GLT8D2: variants seen among roughly 807,000 people sequenced by gnomAD.
The protein encoded by GLT8D2 is glycosyltransferase 8 domain containing 2.
In GLT8D2, 45 loss-of-function variants were observed where a neutral mutation model predicts 44.5. The observed-to-expected ratio is 1.01, with a 90% CI of 0.80 to 1.30. The LOEUF is 1.30. Ranked by LOEUF, GLT8D2 falls within the 50% of genes most tolerant of loss-of-function variation. GLT8D2 has a pLI of 0.00. For synonymous variants in GLT8D2, 156 were observed against 157.2 expected (o/e 0.99, Z 0.06); for missense variants, 400 against 430.4 (o/e 0.93, Z 0.62).
rs934966062 is a variant in GLT8D2 at position 104,030,759 on chromosome 12, C to T, written c.-163-9268G>A. The T allele has an allele frequency of 3.1e-6, 5 of 1,612,094 alleles. No individual in the cohort carries two copies. In the Admixed American group the frequency reaches 5.0e-5, roughly 16 times the overall value. On this transcript the variant is annotated intron_variant, in intron 1 of 10. Coordinates refer to ENST00000360814, the MANE Select transcript of GLT8D2 (RefSeq NM_001384711.1). ...GGAATCTGCTAATCCCAGTCGGTGC[C>T]GCATCCCCAGCCCGCCGCCATGGCC...
At chr12:104,033,923 T>A (rs1238831096) in intron 1 of GLT8D2, among the ~76,000 whole-genome samples, 1 of 151,980 alleles carries the variant, frequency 6.6e-6, no homozygotes, top group East Asian at 1.9e-4. Flanking sequence ...GTTCTATCAA[T>A]CCTCCCACCT....
intron 1 of GLT8D2, among the ~76,000 whole-genome samples, chr12:104,063,515 C>T (rs1882868469): frequency 6.6e-6 from 1 of 152,036 alleles, no homozygotes; most frequent in Non-Finnish European, 1.5e-5. Context: ...CACTGCATTC[C>T]GGCAACAGAG....
intron 1 of GLT8D2, among the ~76,000 whole-genome samples, chr12:104,040,903 A>G (rs1880478457): frequency 1.3e-5 from 2 of 152,200 alleles, no homozygotes; most frequent in African/African-American, 4.8e-5. Context: ...GTGATTGGGG[A>G]GTCAGCACTG....
At chr12:104,031,195 T>C in intron 1 of GLT8D2, 3 of 1,610,580 alleles carry the variant, frequency 1.9e-6, no homozygotes, top group Non-Finnish European at 2.5e-6. Flanking sequence ...TCAGTAAGGA[T>C]CGCAGGTATG....
chr12:104,004,225 T>A (rs549683201), intron 4 of GLT8D2, among the ~76,000 whole-genome samples: 53 of 152,292 alleles, frequency 3.5e-4, no homozygotes, highest in African/African-American at 1.3e-3. Context: ...TGATGGGACG[T>A]ATCTCAAAAT....
intron 1 of GLT8D2, among the ~76,000 whole-genome samples, chr12:104,057,859 C>T (rs1882312742): frequency 6.6e-6 from 1 of 152,100 alleles, no homozygotes. Flanking sequence ...GCCCCATTTT[C>T]AGCACTAGAT....
chr12:104,014,838 A>G (rs1201455475), intron 4 of GLT8D2, among the ~76,000 whole-genome samples, 175 bp downstream of exon 4: 1 of 152,174 alleles, frequency 6.6e-6, no homozygotes, highest in Non-Finnish European at 1.5e-5. Context: ...AATAGCACCG[A>G]CCATCCTAGG....
chr12:104,042,800 T>C (rs1880700755), intron 1 of GLT8D2, among the ~76,000 whole-genome samples: 1 of 152,040 alleles, frequency 6.6e-6, no homozygotes, highest in Non-Finnish European at 1.5e-5. Flanking sequence ...CACAAAAATC[T>C]CATTATGTTT....
At chr12:104,002,963 A>G (rs1289163938) in intron 5 of GLT8D2, among the ~76,000 whole-genome samples, 172 bp downstream of exon 5, 1 of 151,454 alleles carries the variant, frequency 6.6e-6, no homozygotes, top group Non-Finnish European at 1.5e-5. Flanking sequence ...AGAGAGAAAG[A>G]GAGAAAGACA....
At chr12:104,031,310 G>T in intron 1 of GLT8D2, 1 of 1,580,398 alleles carries the variant, frequency 6.3e-7, no homozygotes, top group South Asian at 1.1e-5. Context: ...GATCAAGGAG[G>T]GGAAACGTGT....
rs1294775020 is a variant in GLT8D2 at position 104,021,352 on chromosome 12, C to G, written c.-29+5G>C. 2.0e-5 allele frequency: 3 copies of G among 152,356 alleles called. No individual in the cohort carries two copies. The East Asian group carries it at 5.8e-4, about 29-fold the overall frequency. The allele number at this position is 152,356 out of a possible 1,614,324, so 9.4% of individuals were successfully genotyped here. A position where few individuals can be genotyped will look rare whatever the true frequency, so the allele number is the denominator to read the frequency against. On this transcript the variant is annotated splice_donor_5th_base_variant and intron_variant, in intron 2 of 10. Coordinates refer to ENST00000360814, the MANE Select transcript of GLT8D2 (RefSeq NM_001384711.1). ...AGAGGAAAAGGAAAAGTCCAAGTCA[C>G]TTACCCTGGAGAACTTCCTTTCCTA... is the stretch of plus-strand genomic sequence containing the variant.
At chr12:104,048,355 C>G (rs1474186588) in intron 1 of GLT8D2, among the ~76,000 whole-genome samples, 1 of 152,222 alleles carries the variant, frequency 6.6e-6, no homozygotes, top group Non-Finnish European at 1.5e-5. Flanking sequence ...TACAGGACTT[C>G]TCAGGACCTT....
At chr12:104,019,355 C>T (rs1047347712) in intron 3 of GLT8D2, among the ~76,000 whole-genome samples, 4 of 151,804 alleles carry the variant, frequency 2.6e-5, no homozygotes, top group Admixed American at 6.6e-5. Context: ...CTCGAACTCC[C>T]GAGCTCAACT....
chr12:104,048,076 C>T (rs1303515576), intron 1 of GLT8D2, among the ~76,000 whole-genome samples: 1 of 152,170 alleles, frequency 6.6e-6, no homozygotes, highest in Non-Finnish European at 1.5e-5. Context: ...CCAATTTAGG[C>T]CAGATTTTCT....
In GLT8D2 at chr12:103,996,746, C is replaced by A. The variant is rs150432657; in HGVS notation, c.589G>T (p.Val197Leu). ...LPSAQDINRLVGLQNTYMGYL... is the reference protein window; with the variant it reads ...LPSAQDINRLLGLQNTYMGYL... ...CAGCATATGCCCACCTGAAGTCCCA[C>A]GAGTCTGTTTATGTCCTGAGCAGAG... is the stretch of plus-strand genomic sequence containing the variant. The change falls in exon 8 of 11, where the codon GTG becomes TTG. Residue 197 changes from valine to leucine, a missense_variant. Coordinates refer to ENST00000360814, the MANE Select transcript of GLT8D2 (RefSeq NM_001384711.1). 2 of 1,612,540 alleles carry A rather than the reference C, an allele frequency of 1.2e-6. No homozygotes were observed. The highest frequency in any genetic ancestry group is 1.7e-5 in the Admixed American group (1 of 59,874).
chr12:104,064,275 C>T (rs1320987798), upstream of GLT8D2: 3 of 358,490 alleles, frequency 8.4e-6, no homozygotes, highest in South Asian at 1.1e-4. This position sits in a 1 kb window ranked among gnomAD's most constrained non-coding sequence, Gnocchi z 7.3. Flanking sequence ...GAACGGGAGG[C>T]TCTGGGTGGG....
At chr12:104,004,472 T>G (rs1045941428) in intron 4 of GLT8D2, among the ~76,000 whole-genome samples, 1 of 152,188 alleles carries the variant, frequency 6.6e-6, no homozygotes, top group Non-Finnish European at 1.5e-5. Flanking sequence ...ATTGTATATT[T>G]AGAAAACCCG....
intron 1 of GLT8D2, among the ~76,000 whole-genome samples, chr12:104,029,331 T>C (rs1486416016): frequency 4.6e-5 from 7 of 152,106 alleles, no homozygotes; most frequent in Admixed American, 4.6e-4. Flanking sequence ...GAACCAAATG[T>C]TTAAAAAGAG....
At chr12:104,019,586 C>T in intron 3 of GLT8D2, 44 bp downstream of exon 3, 2 of 1,506,302 alleles carry the variant, frequency 1.3e-6, no homozygotes. Flanking sequence ...ACCATCCTCC[C>T]AAATATGTTT....
Sources: gnomAD v4.1 joint callset for allele counts (sites outside exome capture counted in the v4.1 genomes callset) on GRCh38, gnomAD v4.1.1 for gene constraint, Gnocchi (gnomAD v3.1) non-coding constraint, MANE v1.5 for transcripts, NCBI Gene and HGNC (gene_info 2026-07-23, HGNC 2026-07-21) for gene names.